Variants in ULK4 observed in about 807,000 individuals in gnomAD.
ULK4 encodes the protein inactive serine/threonine-protein kinase ULK4.
In ULK4, 133 loss-of-function variants were observed where a neutral mutation model predicts 160.6. The ratio of observed to expected loss-of-function variants is 0.83; its 90% CI spans 0.72 to 0.96. The LOEUF is 0.96. Ranked by LOEUF, ULK4 falls within the 40% of genes least tolerant of loss-of-function variation. The pLI, the probability that ULK4 is intolerant of heterozygous loss-of-function variation, is 0.00. For missense variants in ULK4, 1,580 were observed against 1,499.5 expected, an observed-to-expected ratio of 1.05 and a Z score of -0.89; for synonymous variants, 534 against 539.8, an observed-to-expected ratio of 0.99 and a Z score of 0.15.
Position 41,896,959 on chromosome 3 carries a change from A to C in ULK4, c.1393T>G (p.Leu465Val). Residue 465 changes from leucine to valine, a missense_variant, in exon 15 of 37, where the codon TTG becomes GTG. Leu to Val is a conservative substitution (Grantham distance 32, BLOSUM62 1). Coordinates refer to ENST00000301831, the MANE Select transcript of ULK4 (RefSeq NM_017886.4). ...FLKDQDWNDF[L>V]QQVCSQIDST... The stretch of plus-strand genomic sequence containing the variant: ...TCGATCTGCGAGCACACTTGTTGCA[A>C]AAAGTCATTCCAATCTTGATCTTTC... 2 of 1,613,350 alleles carry C rather than the reference A, an allele frequency of 1.2e-6. No individual in the cohort carries two copies. Among genetic ancestry groups the C allele is most frequent in the Non-Finnish European group, 1.7e-6 (2 of 1,179,846 alleles).
intron 32 of ULK4, among the ~76,000 whole-genome samples, chr3:41,565,668 A>G (rs2087757349): frequency 6.6e-6 from 1 of 151,782 alleles, no homozygotes; most frequent in Admixed American, 6.6e-5. Flanking sequence ...ACTTCTCAGC[A>G]TCTAGAACTG....
chr3:41,322,928 T>G (rs2080271677), intron 35 of ULK4, among the ~76,000 whole-genome samples: 1 of 151,850 alleles, frequency 6.6e-6, no homozygotes, highest in Admixed American at 6.6e-5. Context: ...ATAATAGCCG[T>G]GTGTGTGTGT....
At chr3:41,477,368 T>C (rs1423717181) in intron 32 of ULK4, among the ~76,000 whole-genome samples, 1 of 152,210 alleles carries the variant, frequency 6.6e-6, no homozygotes, top group Non-Finnish European at 1.5e-5. Flanking sequence ...TTCCAAGCTT[T>C]AGAAAGTGCT....
chr3:41,277,042 T>C (rs182072009), intron 35 of ULK4, among the ~76,000 whole-genome samples: 105 of 152,100 alleles, frequency 6.9e-4, no homozygotes, highest in Non-Finnish European at 8.8e-5. Context: ...TACAACCCTC[T>C]TGAATCAGGA....
intron 21 of ULK4, among the ~76,000 whole-genome samples, chr3:41,759,721 T>TA (rs556722522): frequency 6.6e-6 from 1 of 151,830 alleles, no homozygotes; most frequent in African/African-American, 2.4e-5. Flanking sequence ...TTTTAAGACA[T>TA]AAAAAAACTA....
chr3:41,431,044 T>G (rs2082891727), intron 34 of ULK4, among the ~76,000 whole-genome samples: 1 of 152,220 alleles, frequency 6.6e-6, no homozygotes, highest in Non-Finnish European at 1.5e-5. Context: ...CACGTTATCG[T>G]ACTACTGAGT....
At chr3:41,444,925 T>G (rs9834718) in intron 34 of ULK4, among the ~76,000 whole-genome samples, 80,699 of 151,978 alleles carry the variant, frequency 0.53, 21,858 homozygotes, top group East Asian at 0.69. Context: ...AAAAGAGGAA[T>G]TCAAATTGTC....
At chr3:41,715,196 C>A in intron 25 of ULK4, 41 bp downstream of exon 25, 1 of 1,591,624 alleles carries the variant, frequency 6.3e-7, no homozygotes, top group South Asian at 1.1e-5. Flanking sequence ...TAGAGGAAGT[C>A]ACAATTTTAT....
At position 41,935,893 on chromosome 3, in the gene ULK4, C is replaced by T. The variant is rs770944897; in HGVS notation, c.286G>A (p.Asp96Asn). 1.9e-6 allele frequency: 3 copies of T among 1,613,968 alleles called. No homozygotes were observed. The highest frequency in any genetic ancestry group is 8.5e-7 in the Non-Finnish European group (1 of 1,179,962). ...VIAQDENLPE[D>N]VVREFGIDLI... is the part of the protein sequence containing the mutation. ...TCAATTCCAAATTCTCTCACAACATCTTCTGGGAGGTTTTCATCTTGAGCA... is the reference window on the plus strand; with the variant it reads ...TCAATTCCAAATTCTCTCACAACATTTTCTGGGAGGTTTTCATCTTGAGCA... Residue 96 changes from aspartate to asparagine, a missense_variant, in exon 4 of 37, where the codon GAT (aspartate) becomes AAT (asparagine). Transcript: ENST00000301831.
intron 8 of ULK4, chr3:41,915,379 T>A (rs1297734586): frequency 6.6e-6 from 1 of 152,232 alleles, no homozygotes; most frequent in African/African-American, 2.4e-5. Context: ...CCATCCCAGT[T>A]ACCTAGTGAC....
At chr3:41,459,607 T>A (rs117652113) in intron 33 of ULK4, among the ~76,000 whole-genome samples, 3 of 152,184 alleles carry the variant, frequency 2.0e-5, no homozygotes, top group East Asian at 1.9e-4. Flanking sequence ...ACTGCTATAA[T>A]AGAGGTAGAA....
At chr3:41,863,560 T>C (rs141854003) in intron 17 of ULK4, among the ~76,000 whole-genome samples, 12 of 151,952 alleles carry the variant, frequency 7.9e-5, no homozygotes, top group Admixed American at 1.3e-4. Flanking sequence ...AAGTCTCACC[T>C]GAAGCCAGCA....
intron 22 of ULK4, among the ~76,000 whole-genome samples, chr3:41,737,331 A>G (rs2038089783): frequency 6.6e-6 from 1 of 152,012 alleles, no homozygotes; most frequent in South Asian, 2.1e-4. Context: ...CTCTTCAAGG[A>G]GAACTACAAA....
At position 41,898,497 on chromosome 3, in the gene ULK4, G is replaced by A. The variant is rs752650969; in HGVS notation, c.1288-5C>T. 9.6e-6 allele frequency: 15 copies of A among 1,568,768 alleles called. No individual in the cohort carries two copies. The highest frequency in any genetic ancestry group is 1.3e-5 in the Non-Finnish European group (15 of 1,153,298). Reference sequence around the variant, plus strand: ...AACTGGTGGCTGTTTCATTATCTGTGGTTTAAAAAAAAAGAAAGCTTTTGA... The same window carrying A: ...AACTGGTGGCTGTTTCATTATCTGTAGTTTAAAAAAAAAGAAAGCTTTTGA... On this transcript the variant is annotated splice_region_variant and splice_polypyrimidine_tract_variant and intron_variant, in intron 13 of 36. Transcript: ENST00000301831.
chr3:41,746,641 G>A (rs1355936588), intron 22 of ULK4, among the ~76,000 whole-genome samples: 1 of 151,682 alleles, frequency 6.6e-6, no homozygotes, highest in Non-Finnish European at 1.5e-5. Context: ...TCATTCCAAA[G>A]CTTATATGGA....
At chr3:41,821,345 G>A (rs1042874084) in intron 18 of ULK4, among the ~76,000 whole-genome samples, 5 of 138,044 alleles carry the variant, frequency 3.6e-5, no homozygotes, top group African/African-American at 1.6e-4. Context: ...TCCATCTCCA[G>A]ACCTACTATT....
At chr3:41,480,171 C>T (rs376874132) in intron 32 of ULK4, among the ~76,000 whole-genome samples, 183 of 140,320 alleles carry the variant, frequency 1.3e-3, no homozygotes, top group African/African-American at 4.4e-3. Flanking sequence ...TGCACCACTG[C>T]GCTCCAGCCT....
chr3:41,680,593 CTT>C (rs1156264178), intron 29 of ULK4, among the ~76,000 whole-genome samples: 1 of 152,132 alleles, frequency 6.6e-6, no homozygotes, highest in Non-Finnish European at 1.5e-5. Flanking sequence ...AGTTCAAACT[CTT>C]AACATTGGCC....
intron 35 of ULK4, among the ~76,000 whole-genome samples, chr3:41,348,522 G>A (rs2080850043): frequency 6.6e-6 from 1 of 152,138 alleles, no homozygotes; most frequent in African/African-American, 2.4e-5. Context: ...GAGGATGAGT[G>A]AGCTCAGAGA....
Sources: allele counts gnomAD v4.1 joint callset (sites outside exome capture counted in the v4.1 genomes callset), GRCh38; gene constraint gnomAD v4.1.1; transcripts MANE v1.5; gene names NCBI Gene and HGNC (gene_info 2026-07-23, HGNC 2026-07-21).